Variants in RAP1GAP observed in about 807,000 individuals in gnomAD.
RAP1GAP encodes RAP1 GTPase activating protein, also known as rap1 GTPase-activating protein 1.
RAP1GAP carries 35 observed loss-of-function variants against 87.2 expected under a neutral mutation model. The observed-to-expected ratio is 0.40, with a 90% CI of 0.31 to 0.53. RAP1GAP has a LOEUF of 0.53. Among genes scored for constraint, RAP1GAP ranks in the 20% least tolerant of loss-of-function variants. The pLI is 0.48. For missense variants in RAP1GAP, 734 were observed against 898.9 expected, an observed-to-expected ratio of 0.82 and a Z score of 2.35; for synonymous variants, 375 against 363.9, an observed-to-expected ratio of 1.03 and a Z score of -0.35.
intron 1 of RAP1GAP, among the ~76,000 whole-genome samples, chr1:21,655,116 G>A (rs1558904289): frequency 6.6e-6 from 1 of 151,162 alleles, no homozygotes; most frequent in African/African-American, 2.4e-5. Flanking sequence ...TTCCACCCTG[G>A]GTGACAAAGC....
intron 2 of RAP1GAP, among the ~76,000 whole-genome samples, chr1:21,637,475 T>C (rs1346725395): frequency 6.6e-6 from 1 of 152,074 alleles, no homozygotes; most frequent in African/African-American, 2.4e-5. Context: ...ATTCTTTGCC[T>C]CTTGATGACT....
In RAP1GAP at chr1:21,661,464, T is replaced by G. The variant is rs950850916; in HGVS notation, c.-149+7790A>C. Among the ~76,000 whole-genome samples, 3 of 152,316 alleles carry G rather than the reference T, an allele frequency of 2.0e-5. No homozygotes were observed. The East Asian group carries it at 5.8e-4, about 29-fold the overall frequency. On this transcript the variant is annotated intron_variant, in intron 1 of 24. Coordinates refer to ENST00000374765, the MANE Select transcript of RAP1GAP (RefSeq NM_002885.4). ...AACATAAAGAAACAGAAAGTCAACT[T>G]TAGTCCTATCATAATATACATAAGG...
At chr1:21,620,850 ACACT>A (rs1477287411) in intron 3 of RAP1GAP, among the ~76,000 whole-genome samples, 1 of 111,066 alleles carries the variant, frequency 9.0e-6, no homozygotes, top group African/African-American at 2.8e-5. Flanking sequence ...GGAAGCACGC[ACACT>A]CTCTCTCTCT....
chr1:21,640,812 C>A (rs1347811750), intron 2 of RAP1GAP, among the ~76,000 whole-genome samples: 1 of 152,210 alleles, frequency 6.6e-6, no homozygotes, highest in African/African-American at 2.4e-5. Context: ...CTCCTGCCTG[C>A]ACAGCCCAGC....
intron 1 of RAP1GAP, among the ~76,000 whole-genome samples, chr1:21,657,462 T>C (rs2096912013): frequency 6.6e-6 from 1 of 152,372 alleles, no homozygotes; most frequent in Non-Finnish European, 1.5e-5. Flanking sequence ...AGCATCCAGC[T>C]AACTACTGGG....
chr1:21,649,562 C>T (rs2096388876), intron 2 of RAP1GAP, among the ~76,000 whole-genome samples, 199 bp downstream of exon 2: 1 of 152,128 alleles, frequency 6.6e-6, no homozygotes, highest in Admixed American at 6.5e-5. Flanking sequence ...AAGATGTAAA[C>T]CTGCTTTGCC....
At chr1:21,619,219 C>T in intron 4 of RAP1GAP, 147 bp from the exon 5 acceptor site, 1 of 805,714 alleles carries the variant, frequency 1.2e-6, no homozygotes, top group Middle Eastern at 3.6e-4. Flanking sequence ...TGGCTGGGGG[C>T]CCTGGGCCTG....
intron 2 of RAP1GAP, among the ~76,000 whole-genome samples, chr1:21,648,930 G>A (rs193200980): frequency 2.6e-5 from 4 of 152,302 alleles, no homozygotes; most frequent in Non-Finnish European, 4.4e-5. Context: ...CCAGATGGGA[G>A]TCGCCCAGCA....
At position 21,653,590 on chromosome 1, in the gene RAP1GAP, T is replaced by TCCTTCCTC. The variant is rs1255188805; in HGVS notation, c.-148-3795_-148-3794insGAGGAAGG. Among the ~76,000 whole-genome samples, 399 of 92,978 alleles carry TCCTTCCTC rather than the reference T, an allele frequency of 4.3e-3. 2 individuals carry two copies. The highest frequency in any genetic ancestry group is 8.9e-3 in the African/African-American group (214 of 23,922). 61.0% of individuals were successfully genotyped at this position (92,978 alleles called of 152,430 possible). On this transcript the variant is annotated intron_variant, in intron 1 of 24. Coordinates refer to ENST00000374765, the MANE Select transcript of RAP1GAP (RefSeq NM_002885.4). ...TTCCTTCCTTCCTTCCTTCCTTCCTTCCTCCCTCCCTCCCTCCCTCCTTCC... is the reference window on the plus strand; with the variant it reads ...TTCCTTCCTTCCTTCCTTCCTTCCTTCCTTCCTCCCTCCCTCCCTCCCTCCCTCCTTCC...
intron 13 of RAP1GAP, among the ~76,000 whole-genome samples, chr1:21,611,107 C>T (rs191799101): frequency 6.6e-6 from 1 of 152,344 alleles, no homozygotes; most frequent in East Asian, 1.9e-4. Context: ...TCCTGACTCC[C>T]ACCTCTGCCA....
At chr1:21,643,782 T>C (rs2095772096) in intron 2 of RAP1GAP, among the ~76,000 whole-genome samples, 1 of 152,170 alleles carries the variant, frequency 6.6e-6, no homozygotes, top group Admixed American at 6.5e-5. Context: ...GTTTCCATTG[T>C]TATGGACAAT....
intron 2 of RAP1GAP, among the ~76,000 whole-genome samples, chr1:21,637,445 C>A (rs771598241): frequency 2.6e-5 from 4 of 152,028 alleles, no homozygotes; most frequent in Non-Finnish European, 4.4e-5. Context: ...TGAGCCACTG[C>A]ATCCAGCCCC....
intron 18 of RAP1GAP, among the ~76,000 whole-genome samples, chr1:21,604,885 ATGGG>A (rs1157604839): frequency 5.2e-4 from 51 of 98,098 alleles, no homozygotes; most frequent in Non-Finnish European, 7.0e-4. Flanking sequence ...GGATGGATGG[ATGGG>A]TGGATGGGTG....
chr1:21,657,706 G>T (rs1203284218), intron 1 of RAP1GAP, among the ~76,000 whole-genome samples: 1 of 152,214 alleles, frequency 6.6e-6, no homozygotes, highest in Non-Finnish European at 1.5e-5. Flanking sequence ...GCTCCCCTCA[G>T]GAAGCTGGGC....
intron 2 of RAP1GAP, among the ~76,000 whole-genome samples, chr1:21,636,207 G>A (rs935272804): frequency 3.9e-5 from 6 of 152,186 alleles, no homozygotes; most frequent in African/African-American, 1.4e-4. Flanking sequence ...GTGGGCTCTG[G>A]AGCCAGATCC....
chr1:21,608,376 G>A, intron 16 of RAP1GAP, 26 bp from the exon 17 acceptor site: 2 of 1,606,378 alleles, frequency 1.2e-6, no homozygotes, highest in Non-Finnish European at 1.7e-6. Flanking sequence ...GGGCCGTCAG[G>A]AGGGACCCCA....
In RAP1GAP at chr1:21,609,949, G is replaced by C. The variant is rs934153239; in HGVS notation, c.999+171C>G. ...GGAGGGAAACTGTCCTCTCTGAGGG[G>C]GTGAGCTTTGGGGACGACAGGGGGC... On this transcript the variant is annotated intron_variant, in intron 14 of 24. Transcript: ENST00000374765. This position sits in a 1 kb window ranked among gnomAD's most constrained non-coding sequence, Gnocchi z 4.4. Among the ~76,000 whole-genome samples the C allele has an allele frequency of 6.6e-6, 1 of 152,270 alleles. No individual in the cohort carries two copies. Among genetic ancestry groups the C allele is most frequent in the Admixed American group, 6.5e-5 (1 of 15,294 alleles).
intron 4 of RAP1GAP, 122 bp from the exon 5 acceptor site, chr1:21,619,194 G>A: frequency 9.5e-7 from 1 of 1,049,290 alleles, no homozygotes; most frequent in South Asian, 1.5e-5. Flanking sequence ...GGTACTCCCA[G>A]GGCAGGGTGC....
In RAP1GAP at chr1:21,613,905, G is replaced by C. The variant is rs1438753094; in HGVS notation, c.395+81C>G. The C allele has an allele frequency of 5.4e-6, 7 of 1,299,990 alleles. No homozygotes were observed. The South Asian group carries it at 6.6e-5, about 12-fold the overall frequency. The allele number at this position is 1,299,990 out of a possible 1,614,324, so 80.5% of individuals were successfully genotyped here. On this transcript the variant is annotated intron_variant, in intron 8 of 24. Coordinates refer to ENST00000374765, the MANE Select transcript of RAP1GAP (RefSeq NM_002885.4). This position sits in a 1 kb window ranked among gnomAD's most constrained non-coding sequence, Gnocchi z 4.7. Reference sequence around the variant, plus strand: ...GCCCCTCTATGGGCCTTGATGAAGAGAGTGGGTCAAATGAGATGGGCTCTG... The same window carrying C: ...GCCCCTCTATGGGCCTTGATGAAGACAGTGGGTCAAATGAGATGGGCTCTG...
Sources: allele counts gnomAD v4.1 joint callset (sites outside exome capture counted in the v4.1 genomes callset), GRCh38; gene constraint gnomAD v4.1.1; non-coding constraint Gnocchi (gnomAD v3.1); transcripts MANE v1.5; gene names NCBI Gene and HGNC (gene_info 2026-07-23, HGNC 2026-07-21).